Variants in ZXDC observed in about 807,000 individuals in gnomAD.
ZXDC encodes the protein zinc finger protein ZXDC.
Under a neutral mutation model 63.6 loss-of-function variants are expected in ZXDC, and 58 were observed. The observed-to-expected ratio is 0.91, with a 90% CI of 0.74 to 1.13. ZXDC has a LOEUF of 1.13. Ranked by LOEUF, ZXDC falls within the 50% of genes most tolerant of loss-of-function variation. ZXDC has a pLI of 0.00. For synonymous variants in ZXDC, 561 were observed against 496.1 expected (o/e 1.13, Z -1.74); for missense variants, 1,133 against 1,148.9 (o/e 0.99, Z 0.20).
chr3:126,460,607 A>G, intron 6 of ZXDC: 4 of 985,396 alleles, frequency 4.1e-6, no homozygotes, highest in Non-Finnish European at 4.8e-6. Context: ...GCCACCTCCC[A>G]TCCCTGCCCA....
intron 4 of ZXDC, among the ~76,000 whole-genome samples, chr3:126,467,363 CG>C (rs984319228): frequency 6.6e-6 from 1 of 152,038 alleles, no homozygotes; most frequent in African/African-American, 2.4e-5. Context: ...TTCTGTGAAA[CG>C]GGAGTGACAC....
chr3:126,463,993 G>A (rs1364192715), intron 5 of ZXDC, among the ~76,000 whole-genome samples: 1 of 152,112 alleles, frequency 6.6e-6, no homozygotes, highest in African/African-American at 2.4e-5. Flanking sequence ...CATTTTGAAA[G>A]AAAATGGTAG....
intron 8 of ZXDC, chr3:126,441,535 G>A (rs923058796): frequency 7.7e-7 from 1 of 1,300,930 alleles, no homozygotes; most frequent in Non-Finnish European, 9.7e-7. Context: ...TGGATGCACG[G>A]TCCCAGCAAC....
At chr3:126,439,928 C>T (rs904430454) in intron 8 of ZXDC, 2 of 1,407,740 alleles carry the variant, frequency 1.4e-6, no homozygotes, top group Non-Finnish European at 1.8e-6. Context: ...CTCATTCTGT[C>T]ACCTTGATCC....
At chr3:126,472,431 ACT>A (rs1935016050) in intron 1 of ZXDC, 126 bp from the exon 2 acceptor site, 1 of 1,208,470 alleles carries the variant, frequency 8.3e-7, no homozygotes, top group East Asian at 2.5e-5. Flanking sequence ...ACTCAGAAGC[ACT>A]CTCTAAAAAG....
rs780052221 is a variant in ZXDC, at chr3:126,475,695, C to T, written c.171G>A (p.Glu57=). 2.3e-6 allele frequency: 3 copies of T among 1,306,738 alleles called. No homozygotes were observed. The South Asian group carries it at 5.7e-5, about 25-fold the overall frequency. The allele number at this position is 1,306,738 out of a possible 1,614,324, so 80.9% of individuals were successfully genotyped here. A position where few individuals can be genotyped will look rare whatever the true frequency, so the allele number is the denominator to read the frequency against. Residue 57 remains glutamate (E), a synonymous_variant, in exon 1 of 10, where the codon GAG becomes GAA. Coordinates refer to ENST00000389709, the MANE Select transcript of ZXDC (RefSeq NM_025112.5). ...EDGGPGARPG[E]ASGPSPPPAE... ...CGGGCGGCGGGCTTGGCCCGGAGGC[C>T]TCCCCGGGCCGCGCCCCGGGCCCGC... is the stretch of plus-strand genomic sequence containing the variant.
At chr3:126,454,319 G>A (rs1229778694) in intron 7 of ZXDC, 4 of 984,276 alleles carry the variant, frequency 4.1e-6, no homozygotes, top group South Asian at 4.7e-5. Flanking sequence ...GATATTATAC[G>A]TTTTCAAATA....
chr3:126,447,278 A>G (rs1403177835), intron 7 of ZXDC, among the ~76,000 whole-genome samples: 1 of 152,254 alleles, frequency 6.6e-6, no homozygotes, highest in Non-Finnish European at 1.5e-5. Flanking sequence ...GACCTTACCC[A>G]TTCAGAGCAC....
In ZXDC at chr3:126,437,790, C is replaced by T. The variant is rs1379172141; in HGVS notation, c.*585G>A. On this transcript the variant is annotated 3_prime_UTR_variant, in exon 10 of 10. Transcript: ENST00000389709. ...GGGCTCCGTAATAGGCCACTGAGGT[C>T]CTCTGTCCCACCACATCATCCTCCC... 1 of 153,598 alleles carries T rather than the reference C, an allele frequency of 6.5e-6. No individual in the cohort carries two copies. Among genetic ancestry groups the T allele is most frequent in the Non-Finnish European group, 1.5e-5 (1 of 68,934 alleles). The allele number at this position is 153,598 out of a possible 1,614,324, so 9.5% of individuals were successfully genotyped here.
rs771253522 is a variant in ZXDC at position 126,475,656 on chromosome 3, G to A, written c.210C>T (p.Ser70=). The part of the protein sequence containing the change: ...GPSPPPAEDD[S]DGDSFLVLLE... ...GCAGCACCAAGAAAGAGTCGCCGTC[G>A]CTGTCGTCCTCGGCGGGCGGCGGGC... The change falls in exon 1 of 10, where the codon AGC becomes AGT. Residue 70 remains serine (S), a synonymous_variant. Transcript: ENST00000389709. 14 of 1,450,726 alleles carry A rather than the reference G, an allele frequency of 9.7e-6. No homozygotes were observed. Among genetic ancestry groups the A allele is most frequent in the Admixed American group, 2.2e-5 (1 of 45,614 alleles). 89.9% of individuals were successfully genotyped at this position (1,450,726 alleles called of 1,614,324 possible).
rs1933536079 is a variant in ZXDC, at chr3:126,438,237, T to C, written c.*138A>G. On this transcript the variant is annotated 3_prime_UTR_variant, in exon 10 of 10. Transcript: ENST00000389709. ...ACAAAAGGAAAACATTTTTGATAAA[T>C]GTACCCAAAAGTCTCAAAAGGGCTA... 4.2e-6 allele frequency: 3 copies of C among 712,312 alleles called. No individual in the cohort carries two copies. Among genetic ancestry groups the C allele is most frequent in the South Asian group, 1.6e-5 (1 of 62,650 alleles). 44.1% of individuals were successfully genotyped at this position (712,312 alleles called of 1,614,324 possible).
intron 5 of ZXDC, among the ~76,000 whole-genome samples, chr3:126,464,087 C>T (rs1934658673): frequency 6.6e-6 from 1 of 152,206 alleles, no homozygotes; most frequent in African/African-American, 2.4e-5. Context: ...CTTGAGGACT[C>T]AGCTCCCTGT....
chr3:126,463,119 A>T (rs1428647633), intron 5 of ZXDC, among the ~76,000 whole-genome samples: 1 of 151,352 alleles, frequency 6.6e-6, no homozygotes, highest in Non-Finnish European at 1.5e-5. Flanking sequence ...CCCAGGCTGG[A>T]GTGCAGTGGC....
chr3:126,461,642 G>A lies in ZXDC; in HGVS notation c.2020C>T (p.Gln674Ter). The A allele has an allele frequency of 6.2e-7, 1 of 1,614,018 alleles. No individual in the cohort carries two copies. The highest frequency in any genetic ancestry group is 8.5e-7 in the Non-Finnish European group (1 of 1,180,010). The change falls in exon 6 of 10, where the codon CAG becomes TAG. Residue 674 changes from glutamine (Q) to a stop codon, truncating the protein, a stop_gained. Transcript: ENST00000389709. LOFTEE classifies it high-confidence loss of function. ...DSPSRPGAVG[Q>*]QEGSHGLPQS... ...GGCAGCCCATGGCTTCCTTCCTGCT[G>A]CCCAACTGCTCCTGGGCGAGAAGGC...
At chr3:126,455,159 T>C in intron 7 of ZXDC, 9 of 938,776 alleles carry the variant, frequency 9.6e-6, no homozygotes, top group Non-Finnish European at 1.1e-5. Flanking sequence ...CCCAATTTTT[T>C]TTCCCTAAAC....
Position 126,466,278 on chromosome 3 carries a change from T to A in ZXDC, c.1318A>T (p.Lys440Ter), listed in dbSNP as rs754461457. 1.2e-6 allele frequency: 2 copies of A among 1,614,124 alleles called. No homozygotes were observed. Among genetic ancestry groups the A allele is most frequent in the South Asian group, 1.1e-5 (1 of 91,078 alleles). The part of the protein sequence containing the change: ...SARSSLYIHS[K>*]KHVQDVGAPK... ...GCACCCACATCCTGCACGTGTTTCT[T>A]AGAGTGAATGTACAGACTGCTACGA... Residue 440 changes from lysine to a stop codon, truncating the protein, a stop_gained, in exon 5 of 10, where the codon AAG becomes TAG. Transcript: ENST00000389709. LOFTEE classifies it high-confidence loss of function.
At chr3:126,450,594 T>G (rs1396865957) in intron 7 of ZXDC, 1 of 452,374 alleles carries the variant, frequency 2.2e-6, no homozygotes, top group African/African-American at 2.0e-5. Flanking sequence ...ACCTCCGGAC[T>G]GACCGCCCCT....
At chr3:126,451,723 C>CAGAA (rs1934109200) in intron 7 of ZXDC, 1 of 985,272 alleles carries the variant, frequency 1.0e-6, no homozygotes, top group Non-Finnish European at 1.2e-6. Flanking sequence ...TCCTCATGAC[C>CAGAA]TTCTGCACCA....
intron 7 of ZXDC, chr3:126,442,596 A>C (rs777514): frequency 0.96 from 146,611 of 152,294 alleles, 70,845 homozygotes; most frequent in East Asian, 1. Context: ...GGGATCTGGA[A>C]AAGGAACTCA....
Sources: allele counts gnomAD v4.1 joint callset (sites outside exome capture counted in the v4.1 genomes callset), GRCh38; gene constraint gnomAD v4.1.1; transcripts MANE v1.5; gene names NCBI Gene and HGNC (gene_info 2026-07-23, HGNC 2026-07-21).